LPGAT1: variants seen among roughly 807,000 people sequenced by gnomAD.
LPGAT1 encodes lysophosphatidylglycerol acyltransferase 1.
A neutral mutation model predicts 47.5 loss-of-function variants in LPGAT1; 11 were observed. The observed-to-expected ratio is 0.23, with a 90% CI of 0.15 to 0.38. LPGAT1 has a LOEUF of 0.38. Among genes scored for constraint, LPGAT1 ranks in the 10% least tolerant of loss-of-function variants. The probability of loss-of-function intolerance (pLI) is 1.00; values close to 1 mark genes in which losing one functional copy is unlikely to be tolerated. For missense variants in LPGAT1, 293 were observed against 439.0 expected, an observed-to-expected ratio of 0.67 and a Z score of 2.97; for synonymous variants, 138 against 144.2, an observed-to-expected ratio of 0.96 and a Z score of 0.31.
chr1:211,754,798 A>C (rs1413478026), intron 6 of LPGAT1, among the ~76,000 whole-genome samples: 1 of 150,650 alleles, frequency 6.6e-6, no homozygotes, highest in Non-Finnish European at 1.5e-5. Flanking sequence ...GATGGATCAC[A>C]AAGTCTGGAG....
rs146430773 is a variant in LPGAT1, at chr1:211,816,108, C to T, written c.238+12951G>A. Among the ~76,000 whole-genome samples, 874 of 152,148 alleles carry T rather than the reference C, an allele frequency of 5.7e-3. 11 individuals are homozygous for T. The highest frequency in any genetic ancestry group is 0.02 in the African/African-American group (827 of 41,510). ...TCTGCCTTTGTGCATGCTGTCCCTCCTCCTAGCTTCACCTGGCCAACTCCT... is the reference window on the plus strand; with the variant it reads ...TCTGCCTTTGTGCATGCTGTCCCTCTTCCTAGCTTCACCTGGCCAACTCCT... On this transcript the variant is annotated intron_variant, in intron 2 of 7. Coordinates refer to ENST00000366997, the MANE Select transcript of LPGAT1 (RefSeq NM_014873.3).
chr1:211,751,242 C>T (rs1558251528), intron 6 of LPGAT1, among the ~76,000 whole-genome samples, 175 bp from the exon 7 acceptor site: 1 of 152,178 alleles, frequency 6.6e-6, no homozygotes, highest in African/African-American at 2.4e-5. Context: ...GTTGATTACA[C>T]AAGAGAGTTA....
intron 5 of LPGAT1, among the ~76,000 whole-genome samples, chr1:211,779,258 G>T (rs1391678593): frequency 2.0e-5 from 3 of 151,992 alleles, no homozygotes; most frequent in Non-Finnish European, 2.9e-5. Context: ...TCGAAACAAA[G>T]AACACTATTA....
chr1:211,750,467 T>C lies in LPGAT1; in HGVS notation c.962-417A>G, dbSNP rs188182038. 1.2e-4 allele frequency among the ~76,000 whole-genome samples: 19 copies of C among 152,358 alleles called. No individual in the cohort carries two copies. The East Asian group carries it at 3.7e-3, about 29-fold the overall frequency. ...CATGAGAGCAGGCACTCTAGCTGCC[T>C]TGTCTCTGCTGGATCCCTAGAGATT... On this transcript the variant is annotated intron_variant, in intron 7 of 7. Coordinates refer to ENST00000366997, the MANE Select transcript of LPGAT1 (RefSeq NM_014873.3).
chr1:211,748,161 T>C lies in LPGAT1; in HGVS notation c.*1738A>G, dbSNP rs909987371. On this transcript the variant is annotated 3_prime_UTR_variant, in exon 8 of 8. Transcript: ENST00000366997. ...CCTACTTCTCAAAATTGTTGTGTGA[T>C]TAGTGACAACGGGGGAATCTACAAT... The C allele has an allele frequency of 6.6e-6, 1 of 151,824 alleles. No individual in the cohort carries two copies. Among genetic ancestry groups the C allele is most frequent in the Non-Finnish European group, 1.5e-5 (1 of 67,830 alleles). 9.4% of individuals were successfully genotyped at this position (151,824 alleles called of 1,614,324 possible). A position where few individuals can be genotyped will look rare whatever the true frequency, so the allele number is the denominator to read the frequency against.
intron 3 of LPGAT1, 71 bp downstream of exon 3, chr1:211,792,998 CCAT>C (rs1659195959): frequency 7.0e-6 from 7 of 1,006,964 alleles, no homozygotes; most frequent in Admixed American, 4.4e-5. Flanking sequence ...ACATGAGCCA[CCAT>C]GCCCGGCCAA....
In LPGAT1 at chr1:211,745,322, A is replaced by G. The variant is rs891142913; in HGVS notation, c.*4577T>C. On this transcript the variant is annotated 3_prime_UTR_variant, in exon 8 of 8. Transcript: ENST00000366997. ...ATAAATACAATTTTATAATAACTGTAAAGAAAATGAAAGCACTTAATAAAA... is the reference window on the plus strand; with the variant it reads ...ATAAATACAATTTTATAATAACTGTGAAGAAAATGAAAGCACTTAATAAAA... The G allele has an allele frequency of 3.3e-5, 5 of 152,400 alleles. No individual in the cohort carries two copies. The highest frequency in any genetic ancestry group is 1.3e-4 in the Admixed American group (2 of 15,300). The allele number at this position is 152,400 out of a possible 1,614,324, so 9.4% of individuals were successfully genotyped here.
At chr1:211,778,272 G>A (rs1658490839) in intron 6 of LPGAT1, among the ~76,000 whole-genome samples, 2 of 151,020 alleles carry the variant, frequency 1.3e-5, no homozygotes. Flanking sequence ...AAGCCGGGAG[G>A]CGGAGCTTGC....
chr1:211,752,622 G>A (rs1027620815), intron 6 of LPGAT1, among the ~76,000 whole-genome samples: 1 of 152,146 alleles, frequency 6.6e-6, no homozygotes, highest in African/African-American at 2.4e-5. Flanking sequence ...CACCTTCGGT[G>A]GGGAATGCTA....
At chr1:211,788,663 CAGAG>C (rs1658985921) in intron 3 of LPGAT1, among the ~76,000 whole-genome samples, 1 of 149,664 alleles carries the variant, frequency 6.7e-6, no homozygotes, top group African/African-American at 2.5e-5. Context: ...GCCTGGGTGA[CAGAG>C]AGAGACTCTT....
At chr1:211,761,499 G>A (rs1385492324) in intron 6 of LPGAT1, among the ~76,000 whole-genome samples, 1 of 152,142 alleles carries the variant, frequency 6.6e-6, no homozygotes, top group Admixed American at 6.5e-5. Flanking sequence ...GAAGTGTGAG[G>A]TCTTACATTT....
chr1:211,763,906 T>G (rs1203379808), intron 6 of LPGAT1, among the ~76,000 whole-genome samples: 3 of 152,344 alleles, frequency 2.0e-5, no homozygotes, highest in African/African-American at 7.2e-5. Context: ...GTGCCATGGC[T>G]CATGCCTGTA....
At position 211,747,211 on chromosome 1, in the gene LPGAT1, G is replaced by A. The variant is rs756028251; in HGVS notation, c.*2688C>T. On this transcript the variant is annotated 3_prime_UTR_variant, in exon 8 of 8. Transcript: ENST00000366997. ...ACTGATTCTCTCTTTACCTTCTCTAGTGCAAGCAGGAGAACTCCAGTTACT... is the reference window on the plus strand; with the variant it reads ...ACTGATTCTCTCTTTACCTTCTCTAATGCAAGCAGGAGAACTCCAGTTACT... The A allele has an allele frequency of 1.3e-5, 2 of 152,062 alleles. No homozygotes were observed. Among genetic ancestry groups the A allele is most frequent in the Admixed American group, 6.5e-5 (1 of 15,268 alleles). The allele number at this position is 152,062 out of a possible 1,614,324, so 9.4% of individuals were successfully genotyped here. A position where few individuals can be genotyped will look rare whatever the true frequency, so the allele number is the denominator to read the frequency against.
intron 2 of LPGAT1, among the ~76,000 whole-genome samples, chr1:211,802,651 G>A (rs1191814565): frequency 2.0e-5 from 3 of 152,010 alleles, no homozygotes; most frequent in Non-Finnish European, 2.9e-5. Context: ...GAGAAGACTT[G>A]AACATTAGAA....
chr1:211,829,396 T>C lies in LPGAT1; in HGVS notation c.-27-73A>G, dbSNP rs560738480. 5,819 of 1,560,148 alleles carry C rather than the reference T, an allele frequency of 3.7e-3. 27 individuals are homozygous for C. The highest frequency in any genetic ancestry group is 4.5e-3 in the Non-Finnish European group (5,178 of 1,154,822). On this transcript the variant is annotated intron_variant, in intron 1 of 7. Coordinates refer to ENST00000366997, the MANE Select transcript of LPGAT1 (RefSeq NM_014873.3). ...ATCTAAACAGTCACCAACATAGAAA[T>C]CGCCCCCAGCACAAAATAAAACAGC...
Position 211,793,162 on chromosome 1 carries a change from T to C in LPGAT1, c.267A>G (p.Ala89=). ...TVMEWGEDIK[A]VSKDEAVMLV... is the part of the protein sequence containing the mutation. ...ACATCACTGCTTCATCTTTTGAAAC[T>C]GCTTTAATATCTTCTCCCCATTCCA... The change falls in exon 3 of 8, where the codon GCA becomes GCG. Residue 89 remains alanine, a synonymous_variant. Coordinates refer to ENST00000366997, the MANE Select transcript of LPGAT1 (RefSeq NM_014873.3). The C allele has an allele frequency of 6.2e-7, 1 of 1,611,026 alleles. No homozygotes were observed.
intron 3 of LPGAT1, among the ~76,000 whole-genome samples, chr1:211,789,146 AATG>A (rs1185239957): frequency 6.6e-6 from 1 of 152,234 alleles, no homozygotes; most frequent in Non-Finnish European, 1.5e-5. Context: ...TTTGCTTTGC[AATG>A]ATGATTACAG....
intron 7 of LPGAT1, among the ~76,000 whole-genome samples, chr1:211,750,710 G>T (rs1239465170): frequency 6.6e-6 from 1 of 152,174 alleles, no homozygotes; most frequent in African/African-American, 2.4e-5. Flanking sequence ...TTTCTGGAAA[G>T]GAATGCTAGA....
intron 5 of LPGAT1, among the ~76,000 whole-genome samples, chr1:211,779,738 G>C (rs916978679): frequency 1.3e-5 from 2 of 152,128 alleles, no homozygotes; most frequent in Non-Finnish European, 2.9e-5. Context: ...TGTAGTCCCA[G>C]CTGTTTGGGA....
Sources: gnomAD v4.1 joint callset for allele counts (sites outside exome capture counted in the v4.1 genomes callset) on GRCh38, gnomAD v4.1.1 for gene constraint, MANE v1.5 for transcripts, NCBI Gene and HGNC (gene_info 2026-07-23, HGNC 2026-07-21) for gene names.